NXPH1: variants seen among roughly 807,000 people sequenced by gnomAD.
The protein encoded by NXPH1 is neurexophilin 1, also known as neurexophilin-1.
In NXPH1, 5 loss-of-function variants were observed where a neutral mutation model predicts 23.7. The ratio of observed to expected loss-of-function variants is 0.21; its 90% CI spans 0.11 to 0.44. The LOEUF (loss-of-function observed/expected upper bound fraction) is 0.44. Ranked by LOEUF, NXPH1 falls within the 20% of genes least tolerant of loss-of-function variation. NXPH1 has a pLI of 0.99. For missense variants in NXPH1, 324 were observed against 321.6 expected (o/e 1.01, Z -0.06); for synonymous variants, 144 against 122.2 (o/e 1.18, Z -1.18).
chr7:8,454,115 G>A (rs1816551395), intron 2 of NXPH1, among the ~76,000 whole-genome samples: 1 of 152,028 alleles, frequency 6.6e-6, no homozygotes, highest in East Asian at 1.9e-4. Context: ...GGAGAGAGAG[G>A]ATCAGGAAAA....
chr7:8,732,260 G>C (rs1314714096), intron 2 of NXPH1, among the ~76,000 whole-genome samples: 1 of 152,224 alleles, frequency 6.6e-6, no homozygotes, highest in Non-Finnish European at 1.5e-5. Context: ...CTAGTGAGAT[G>C]AACCCGGTAC....
intron 2 of NXPH1, among the ~76,000 whole-genome samples, chr7:8,439,121 A>T (rs1476415486): frequency 1.3e-5 from 2 of 152,228 alleles, no homozygotes; most frequent in Non-Finnish European, 2.9e-5. Flanking sequence ...GCTTATTAAA[A>T]ATAATAAAAA....
chr7:8,661,360 G>T (rs1036660223), intron 2 of NXPH1, among the ~76,000 whole-genome samples: 1 of 152,078 alleles, frequency 6.6e-6, no homozygotes, highest in South Asian at 2.1e-4. Context: ...TGACAATTTG[G>T]CTCACCACAC....
intron 2 of NXPH1, among the ~76,000 whole-genome samples, chr7:8,697,567 G>C (rs146260230): frequency 6.7e-4 from 102 of 152,238 alleles, no homozygotes; most frequent in African/African-American, 2.4e-3. Context: ...TGAACAACTT[G>C]GTGTGTCTCT....
chr7:8,590,381 G>A lies in NXPH1; in HGVS notation c.54+154614G>A, dbSNP rs114576425. On this transcript the variant is annotated intron_variant, in intron 2 of 2. Transcript: ENST00000405863. Reference sequence around the variant, plus strand: ...TGCTTCCAATCAAGGCTGTATCTAAGCCATATAAAACAGTCGACTGGCCAA... The same window carrying A: ...TGCTTCCAATCAAGGCTGTATCTAAACCATATAAAACAGTCGACTGGCCAA... Among the ~76,000 whole-genome samples the A allele has an allele frequency of 2.1e-3, 316 of 152,170 alleles. 3 individuals are homozygous for A. The highest frequency in any genetic ancestry group is 7.2e-3 in the African/African-American group (298 of 41,530).
intron 2 of NXPH1, among the ~76,000 whole-genome samples, chr7:8,629,790 G>C (rs1411269597): frequency 6.6e-6 from 1 of 152,120 alleles, no homozygotes; most frequent in Non-Finnish European, 1.5e-5. Context: ...CCTTGTGTGG[G>C]ACTTTTTAAA....
At chr7:8,502,363 T>C (rs754531537) in intron 2 of NXPH1, among the ~76,000 whole-genome samples, 5 of 151,988 alleles carry the variant, frequency 3.3e-5, no homozygotes, top group Non-Finnish European at 7.4e-5. Flanking sequence ...AAAACTATAT[T>C]TATTTCTTTT....
intron 2 of NXPH1, among the ~76,000 whole-genome samples, chr7:8,679,406 C>T (rs1247159975): frequency 1.3e-5 from 2 of 151,756 alleles, no homozygotes; most frequent in Non-Finnish European, 3.0e-5. Flanking sequence ...AAAAGAGAAA[C>T]TGTATCCCGT....
chr7:8,668,030 G>A (rs1820804110), intron 2 of NXPH1, among the ~76,000 whole-genome samples: 1 of 149,906 alleles, frequency 6.7e-6, no homozygotes, highest in Non-Finnish European at 1.5e-5. Flanking sequence ...ATATTTTCCA[G>A]CTCCGGGATT....
chr7:8,581,982 G>A (rs1818884466), intron 2 of NXPH1, among the ~76,000 whole-genome samples: 1 of 152,184 alleles, frequency 6.6e-6, no homozygotes. Context: ...CAGGTGCAGA[G>A]TGGTGAGGGG....
At chr7:8,625,246 T>C (rs1207065031) in intron 2 of NXPH1, among the ~76,000 whole-genome samples, 1 of 152,164 alleles carries the variant, frequency 6.6e-6, no homozygotes, top group Admixed American at 6.6e-5. Context: ...GACTGAATAG[T>C]AAAATAATAC....
intron 2 of NXPH1, among the ~76,000 whole-genome samples, chr7:8,579,583 A>T (rs1818826569): frequency 6.6e-6 from 1 of 152,070 alleles, no homozygotes; most frequent in South Asian, 2.1e-4. Flanking sequence ...TGTTGGTCAG[A>T]CTGGTCTCAA....
intron 2 of NXPH1, among the ~76,000 whole-genome samples, chr7:8,627,078 C>G (rs1358879267): frequency 6.6e-6 from 1 of 152,088 alleles, no homozygotes; most frequent in African/African-American, 2.4e-5. Context: ...TTCTGCAGAT[C>G]ATTCCAATAC....
At chr7:8,554,360 T>C (rs377381761) in intron 2 of NXPH1, among the ~76,000 whole-genome samples, 6 of 151,522 alleles carry the variant, frequency 4.0e-5, no homozygotes, top group Admixed American at 6.6e-5. Context: ...ATACCGACCA[T>C]ATGGTGGGAG....
At chr7:8,654,815 A>T (rs1208000789) in intron 2 of NXPH1, among the ~76,000 whole-genome samples, 1 of 152,104 alleles carries the variant, frequency 6.6e-6, no homozygotes, top group African/African-American at 2.4e-5. Flanking sequence ...GAGATTTGGG[A>T]ATTTAGGTGG....
At chr7:8,468,566 T>C (rs1039971901) in intron 2 of NXPH1, among the ~76,000 whole-genome samples, 2 of 152,120 alleles carry the variant, frequency 1.3e-5, no homozygotes, top group African/African-American at 4.8e-5. Context: ...ATCTTATTTT[T>C]CATCAATACT....
At chr7:8,747,594 TG>T (rs1289485584) in intron 2 of NXPH1, among the ~76,000 whole-genome samples, 1 of 152,218 alleles carries the variant, frequency 6.6e-6, no homozygotes, top group Non-Finnish European at 1.5e-5. Context: ...TTATTCTTTT[TG>T]CCACACAAAC....
chr7:8,690,756 T>C (rs1821209631), intron 2 of NXPH1, among the ~76,000 whole-genome samples: 1 of 152,216 alleles, frequency 6.6e-6, no homozygotes, highest in African/African-American at 2.4e-5. Flanking sequence ...TGGTGATGTC[T>C]GCTTATCAGT....
chr7:8,463,708 G>T (rs556646768), intron 2 of NXPH1, among the ~76,000 whole-genome samples: 1 of 152,148 alleles, frequency 6.6e-6, no homozygotes, highest in Admixed American at 6.5e-5. Flanking sequence ...ACGTGCCTAA[G>T]GCCATTTATA....
Sources: gnomAD v4.1 joint callset for allele counts (sites outside exome capture counted in the v4.1 genomes callset) on GRCh38, gnomAD v4.1.1 for gene constraint, MANE v1.5 for transcripts, NCBI Gene and HGNC (gene_info 2026-07-23, HGNC 2026-07-21) for gene names.